NEDD4L: variants seen among roughly 807,000 people sequenced by gnomAD.
NEDD4L encodes NEDD4 like E3 ubiquitin protein ligase.
A neutral mutation model predicts 148.9 loss-of-function variants in NEDD4L; 54 were observed. That is an observed-to-expected ratio of 0.36 (90% CI 0.29 to 0.45). NEDD4L has a LOEUF of 0.45. Ranked by LOEUF, NEDD4L falls within the 20% of genes least tolerant of loss-of-function variation. NEDD4L has a pLI of 1.00. For synonymous variants in NEDD4L, 433 were observed against 440.7 expected (o/e 0.98, Z 0.22); for missense variants, 856 against 1,233.8 (o/e 0.69, Z 4.59).
intron 1 of NEDD4L, among the ~76,000 whole-genome samples, chr18:58,164,971 C>G (rs1188993607): frequency 6.6e-6 from 1 of 152,164 alleles, no homozygotes; most frequent in Admixed American, 6.5e-5. Flanking sequence ...AGTTCATGAC[C>G]CAAACTGGAA....
chr18:58,251,687 C>T (rs1235253087), intron 4 of NEDD4L, among the ~76,000 whole-genome samples: 1 of 152,212 alleles, frequency 6.6e-6, no homozygotes, highest in African/African-American at 2.4e-5. Context: ...TTTTGATCTA[C>T]AGTCATGAGA....
intron 1 of NEDD4L, among the ~76,000 whole-genome samples, chr18:58,109,734 C>A (rs1373192026): frequency 6.6e-6 from 1 of 151,948 alleles, no homozygotes; most frequent in African/African-American, 2.4e-5. Flanking sequence ...CCACACCTGG[C>A]TAATTTTGTA....
At chr18:58,085,503 T>G (rs184175735) in intron 1 of NEDD4L, among the ~76,000 whole-genome samples, 2 of 152,102 alleles carry the variant, frequency 1.3e-5, no homozygotes, top group African/African-American at 4.8e-5. Flanking sequence ...TGCAAGATAA[T>G]GAGGCGATCC....
intron 2 of NEDD4L, among the ~76,000 whole-genome samples, chr18:58,171,413 C>T (rs1568323817): frequency 1.6e-5 from 2 of 124,198 alleles, no homozygotes; most frequent in Non-Finnish European, 3.3e-5. Context: ...CTCATCACCC[C>T]AGCCCAAGAG....
At chr18:58,316,430 C>A (rs987629384) in intron 6 of NEDD4L, among the ~76,000 whole-genome samples, 1 of 152,184 alleles carries the variant, frequency 6.6e-6, no homozygotes. Context: ...TGTCTGGAAC[C>A]GCACATGCCA....
chr18:58,164,928 TG>T (rs1359283389), intron 1 of NEDD4L, among the ~76,000 whole-genome samples: 2 of 152,262 alleles, frequency 1.3e-5, no homozygotes, highest in Non-Finnish European at 2.9e-5. Flanking sequence ...ATAGACACCT[TG>T]GACACAGTGC....
rs531623680 is a variant in NEDD4L, at chr18:58,044,545, G to A, written c.-116G>A. The A allele has an allele frequency of 7.1e-6, 9 of 1,266,356 alleles. No individual in the cohort carries two copies. In the South Asian group the frequency reaches 9.3e-5, roughly 13 times the overall value. 78.4% of individuals were successfully genotyped at this position (1,266,356 alleles called of 1,614,324 possible). A position where few individuals can be genotyped will look rare whatever the true frequency, so the allele number is the denominator to read the frequency against. ...CGCCCGGCCGCTTACCCGGCAGGGC[G>A]TGCGCAGGGTAGGGTGCGGGACCGG... On this transcript the variant is annotated 5_prime_UTR_variant, in exon 1 of 31. In the 5' UTR this introduces an upstream ATG that the reference lacks. Transcript: ENST00000400345.
In NEDD4L at chr18:58,333,860, G is replaced by A. The variant is rs375898604; in HGVS notation, c.1033G>A (p.Asp345Asn). The A allele has an allele frequency of 9.3e-6, 15 of 1,613,590 alleles. No individual in the cohort carries two copies. Among genetic ancestry groups the A allele is most frequent in the African/African-American group, 5.3e-5 (4 of 74,888 alleles). The change falls in exon 12 of 31, where the codon GAC (aspartate) becomes AAC (asparagine). Residue 345 changes from aspartate (D) to asparagine (N), a missense_variant. Physicochemically the swap from Asp to Asn is conservative, Grantham distance 23. Coordinates refer to ENST00000400345, the MANE Select transcript of NEDD4L (RefSeq NM_001144967.3). ...AAGGTTGAGGTCATGCAGTGTCACC[G>A]ACGCAGTTGCAGAACAGGGCCATCT... ...SSRLRSCSVT[D>N]AVAEQGHLPP...
chr18:58,347,690 T>C (rs2043275532), intron 16 of NEDD4L, among the ~76,000 whole-genome samples: 1 of 152,228 alleles, frequency 6.6e-6, no homozygotes, highest in Non-Finnish European at 1.5e-5. Flanking sequence ...CATCACAAAC[T>C]GCTAACAGGA....
chr18:58,113,534 A>C (rs1257582663), intron 1 of NEDD4L, among the ~76,000 whole-genome samples: 5 of 152,142 alleles, frequency 3.3e-5, no homozygotes, highest in African/African-American at 1.2e-4. Flanking sequence ...CTTGCCTGGG[A>C]AGGACACTGT....
chr18:58,238,982 A>G (rs1422207112), intron 2 of NEDD4L, among the ~76,000 whole-genome samples: 2 of 152,228 alleles, frequency 1.3e-5, no homozygotes, highest in East Asian at 3.8e-4. Context: ...AATGTTTTAT[A>G]AGTGTTATTA....
At chr18:58,337,760 G>A (rs927044813) in intron 13 of NEDD4L, among the ~76,000 whole-genome samples, 4 of 152,030 alleles carry the variant, frequency 2.6e-5, no homozygotes, top group Non-Finnish European at 4.4e-5. Context: ...AACTCCATAC[G>A]CTGTGCTGAA....
chr18:58,309,963 G>A (rs2057494105), intron 5 of NEDD4L, among the ~76,000 whole-genome samples: 2 of 152,214 alleles, frequency 1.3e-5, no homozygotes, highest in Non-Finnish European at 2.9e-5. Flanking sequence ...AAGCCAGGCT[G>A]CTATTGCAGG....
At chr18:58,097,416 T>C (rs2084483134) in intron 1 of NEDD4L, among the ~76,000 whole-genome samples, 1 of 152,206 alleles carries the variant, frequency 6.6e-6, no homozygotes. Context: ...CATGTTTAGT[T>C]GAAGTGATAC....
intron 19 of NEDD4L, among the ~76,000 whole-genome samples, chr18:58,360,508 A>T (rs1403536431): frequency 6.6e-6 from 1 of 152,142 alleles, no homozygotes; most frequent in Non-Finnish European, 1.5e-5. Context: ...TTAATTGCTC[A>T]AAGTTTTATT....
At chr18:58,309,782 G>A (rs1242666306) in intron 5 of NEDD4L, among the ~76,000 whole-genome samples, 1 of 152,012 alleles carries the variant, frequency 6.6e-6, no homozygotes, top group African/African-American at 2.4e-5. Flanking sequence ...GCAGAGAACT[G>A]AGTGTTCTTG....
At chr18:58,130,379 T>A (rs74733505) in intron 1 of NEDD4L, among the ~76,000 whole-genome samples, 11 of 108,780 alleles carry the variant, frequency 1.0e-4, no homozygotes, top group African/African-American at 2.5e-4. Context: ...GAACTGTGGC[T>A]GTGTTGGGCT....
At position 58,044,677 on chromosome 18, in the gene NEDD4L, G is replaced by A. The variant is rs2081489999; in HGVS notation, c.17G>A (p.Gly6Glu). 3 of 1,604,854 alleles carry A rather than the reference G, an allele frequency of 1.9e-6. No homozygotes were observed. Among genetic ancestry groups the A allele is most frequent in the Admixed American group, 1.7e-5 (1 of 59,250 alleles). MATGL[G>E]EPVYGLSEDE... ...GCCGGCTCCATGGCGACCGGGCTCGGGGAGCCGGTCTATGGACTTTCCGAA... is the reference window on the plus strand; with the variant it reads ...GCCGGCTCCATGGCGACCGGGCTCGAGGAGCCGGTCTATGGACTTTCCGAA... Residue 6 changes from glycine (G) to glutamate (E), a missense_variant, in exon 1 of 31, where the codon GGG becomes GAG. This residue lies in a region of NEDD4L where 193 missense variants were observed against 244.2 expected (regional missense o/e 0.79). Transcript: ENST00000400345.
chr18:58,079,712 C>T (rs1023877796), intron 1 of NEDD4L, among the ~76,000 whole-genome samples: 6 of 152,108 alleles, frequency 3.9e-5, no homozygotes, highest in South Asian at 4.1e-4. Context: ...TGTGAGGAAC[C>T]GGAGGGGTCA....
Sources: gnomAD v4.1 joint callset for allele counts (sites outside exome capture counted in the v4.1 genomes callset) on GRCh38, gnomAD v4.1.1 for gene constraint, gnomAD v4.1.1 regional missense constraint, MANE v1.5 for transcripts, NCBI Gene and HGNC (gene_info 2026-07-23, HGNC 2026-07-21) for gene names.